Variants in RPS6KB1 observed in about 807,000 individuals in gnomAD.
RPS6KB1 encodes ribosomal protein S6 kinase B1, also known as ribosomal protein S6 kinase beta-1.
In RPS6KB1, 12 loss-of-function variants were observed where a neutral mutation model predicts 70.2. The observed-to-expected ratio is 0.17, with a 90% CI of 0.11 to 0.28. The LOEUF (loss-of-function observed/expected upper bound fraction) is 0.28. Ranked by LOEUF, RPS6KB1 falls within the 10% of genes least tolerant of loss-of-function variation. The pLI is 1.00. For missense variants in RPS6KB1, 270 were observed against 646.6 expected, an observed-to-expected ratio of 0.42 and a Z score of 6.32; for synonymous variants, 175 against 211.2, an observed-to-expected ratio of 0.83 and a Z score of 1.49.
intron 4 of RPS6KB1, among the ~76,000 whole-genome samples, chr17:59,921,336 C>T (rs887761117): frequency 1.3e-5 from 2 of 152,008 alleles, no homozygotes; most frequent in African/African-American, 4.8e-5. Flanking sequence ...GATACTGTCT[C>T]CTTCCTTGTC....
intron 12 of RPS6KB1, among the ~76,000 whole-genome samples, chr17:59,939,193 G>T (rs1268390063): frequency 6.6e-5 from 10 of 151,890 alleles, no homozygotes; most frequent in African/African-American, 2.4e-5. Flanking sequence ...GTGTGTGTGT[G>T]TTTTTTTCTT....
At chr17:59,907,118 C>T (rs2042317089) in intron 1 of RPS6KB1, 1 of 152,100 alleles carries the variant, frequency 6.6e-6, no homozygotes, top group Admixed American at 6.6e-5. Context: ...ATTCTCCTGC[C>T]TCAGCCTCCC....
rs1224820901 is a variant in RPS6KB1 at position 59,949,014 on chromosome 17, G to A, written c.*2226G>A. On this transcript the variant is annotated 3_prime_UTR_variant, in exon 15 of 15. Transcript: ENST00000225577. ...TATTTGCTAGTAACATGAGCACTGT[G>A]ATTGGCTGGCTATAACCACCCCAGT... 6.6e-6 allele frequency: 1 copy of A among 152,564 alleles called. No individual in the cohort carries two copies. Among genetic ancestry groups the A allele is most frequent in the Non-Finnish European group, 1.5e-5 (1 of 67,992 alleles). 9.5% of individuals were successfully genotyped at this position (152,564 alleles called of 1,614,324 possible).
intron 1 of RPS6KB1, among the ~76,000 whole-genome samples, chr17:59,906,412 G>C (rs371309229): frequency 1.3e-5 from 2 of 152,092 alleles, no homozygotes; most frequent in African/African-American, 4.8e-5. Flanking sequence ...GCCCAGGCTG[G>C]AGTGTGCAGT....
intron 4 of RPS6KB1, among the ~76,000 whole-genome samples, chr17:59,924,811 T>TTTTATTTA (rs200181363): frequency 6.7e-5 from 10 of 148,710 alleles, no homozygotes; most frequent in African/African-American, 1.2e-4. Flanking sequence ...CTTATTTTTA[T>TTTTATTTA]TTTATTTATT....
intron 10 of RPS6KB1, among the ~76,000 whole-genome samples, chr17:59,935,764 T>G (rs1289826365): frequency 6.6e-6 from 1 of 151,954 alleles, no homozygotes; most frequent in East Asian, 1.9e-4. Flanking sequence ...TTACAGACCC[T>G]TAAACAATAT....
chr17:59,912,832 G>A (rs377438075), intron 3 of RPS6KB1, 28 bp downstream of exon 3: 369 of 1,611,588 alleles, frequency 2.3e-4, no homozygotes, highest in Non-Finnish European at 3.0e-4. Flanking sequence ...AATGAGAGCT[G>A]TTGTCTGTCT....
chr17:59,937,407 C>T (rs900511914), intron 12 of RPS6KB1, among the ~76,000 whole-genome samples: 1 of 152,118 alleles, frequency 6.6e-6, no homozygotes, highest in African/African-American at 2.4e-5. Context: ...TACCACAAAC[C>T]GGGTGGCTTA....
At chr17:59,943,890 TTA>T (rs34821995) in intron 13 of RPS6KB1, among the ~76,000 whole-genome samples, 4 of 132,420 alleles carry the variant, frequency 3.0e-5, no homozygotes, top group Admixed American at 8.0e-5. Flanking sequence ...AAAAAAAAAA[TTA>T]TATATATATA....
chr17:59,941,649 T>TTG (rs1282438248), intron 13 of RPS6KB1, among the ~76,000 whole-genome samples: 2 of 151,528 alleles, frequency 1.3e-5, no homozygotes, highest in African/African-American at 4.9e-5. Context: ...TTTTTTTTTT[T>TTG]TTTGAGACGG....
chr17:59,942,428 G>A (rs1176006284), intron 13 of RPS6KB1, among the ~76,000 whole-genome samples: 1 of 152,166 alleles, frequency 6.6e-6, no homozygotes, highest in East Asian at 1.9e-4. Flanking sequence ...GACCATGAAT[G>A]CATACTATTT....
chr17:59,904,698 G>GTTT (rs950470089), intron 1 of RPS6KB1, among the ~76,000 whole-genome samples: 2 of 122,656 alleles, frequency 1.6e-5, no homozygotes. Context: ...CTGGCATTCT[G>GTTT]TTTTTTTTTT....
intron 1 of RPS6KB1, among the ~76,000 whole-genome samples, chr17:59,894,509 G>T (rs894920184): frequency 2.0e-5 from 3 of 152,132 alleles, no homozygotes; most frequent in South Asian, 2.1e-4. Context: ...TCTGGCACCT[G>T]CCCTACTGTT....
chr17:59,945,304 T>A, intron 13 of RPS6KB1, 102 bp from the exon 14 acceptor site: 2 of 643,376 alleles, frequency 3.1e-6, no homozygotes, highest in Non-Finnish European at 5.7e-6. Flanking sequence ...ATTGGTGGTT[T>A]TAGGTGTGCA....
At chr17:59,920,137 C>A (rs1192739978) in intron 4 of RPS6KB1, among the ~76,000 whole-genome samples, 4 of 151,914 alleles carry the variant, frequency 2.6e-5, no homozygotes, top group African/African-American at 7.3e-5. Context: ...TCTGCCTCAA[C>A]CTCCTGAGTA....
chr17:59,931,696 C>T lies in RPS6KB1; in HGVS notation c.662C>T (p.Pro221Leu), dbSNP rs2043932394. The T allele has an allele frequency of 1.9e-6, 3 of 1,610,852 alleles. No homozygotes were observed. The highest frequency in any genetic ancestry group is 1.3e-5 in the African/African-American group (1 of 74,942). Residue 221 changes from proline (P) to leucine (L), a missense_variant, in exon 7 of 15, where the codon CCG becomes CTG. Pro to Leu is a moderately conservative substitution (Grantham distance 98, BLOSUM62 -3). Transcript: ENST00000225577. ...GGGATCATCTACAGAGACCTGAAGC[C>T]GGAGAATATCATGCTTAATCACCAA... is the stretch of plus-strand genomic sequence containing the variant. Reference protein sequence around the residue: ...QKGIIYRDLKPENIMLNHQGH... With the variant: ...QKGIIYRDLKLENIMLNHQGH...
chr17:59,942,982 C>CA (rs892531549), intron 13 of RPS6KB1, among the ~76,000 whole-genome samples: 125 of 122,878 alleles, frequency 1.0e-3, no homozygotes, highest in East Asian at 2.3e-3. Context: ...GACTCCGTAT[C>CA]AAAAAAAAAA....
chr17:59,938,788 T>A (rs1196303797), intron 12 of RPS6KB1, among the ~76,000 whole-genome samples: 1 of 149,338 alleles, frequency 6.7e-6, no homozygotes, highest in Non-Finnish European at 1.5e-5. Context: ...ATGTCAGCAT[T>A]TCACTACCAG....
intron 13 of RPS6KB1, among the ~76,000 whole-genome samples, chr17:59,944,737 G>A (rs983901136): frequency 5.3e-5 from 8 of 151,564 alleles, no homozygotes; most frequent in African/African-American, 1.9e-4. Flanking sequence ...TTGCTTATAT[G>A]CCTGTGGCTA....
Sources: gnomAD v4.1 joint callset for allele counts (sites outside exome capture counted in the v4.1 genomes callset) on GRCh38, gnomAD v4.1.1 for gene constraint, MANE v1.5 for transcripts, NCBI Gene and HGNC (gene_info 2026-07-23, HGNC 2026-07-21) for gene names.